ZPLD1: variants seen among roughly 807,000 people sequenced by gnomAD.
ZPLD1 encodes the protein zona pellucida like domain containing 1.
Under a neutral mutation model 47.2 loss-of-function variants are expected in ZPLD1, and 34 were observed. That is an observed-to-expected ratio of 0.72 (90% CI 0.55 to 0.96). The LOEUF is 0.96. ZPLD1 is among the 40% of genes least tolerant of loss of function. ZPLD1 has a pLI of 0.00. For missense variants in ZPLD1, 512 were observed against 505.8 expected (o/e 1.01, Z -0.12); for synonymous variants, 176 against 186.2 (o/e 0.95, Z 0.45).
At chr3:102,444,631 A>T (rs530258393) in intron 3 of ZPLD1, among the ~76,000 whole-genome samples, 1 of 152,214 alleles carries the variant, frequency 6.6e-6, no homozygotes, top group African/African-American at 2.4e-5. Context: ...GAACTGATAT[A>T]TAAATTATTA....
At chr3:102,425,110 A>G (rs1706927025) in intron 8 of ZPLD1, among the ~76,000 whole-genome samples, 1 of 152,132 alleles carries the variant, frequency 6.6e-6, no homozygotes, top group Non-Finnish European at 1.5e-5. Flanking sequence ...TATATTTTTC[A>G]AATACCTAAT....
At position 102,416,818 on chromosome 3, in the gene ZPLD1, T is replaced by C. The variant is rs554966114; in HGVS notation, c.-156-1242T>C. 2.0e-5 allele frequency among the ~76,000 whole-genome samples: 3 copies of C among 152,082 alleles called. No homozygotes were observed. In the South Asian group the frequency reaches 6.2e-4, roughly 32 times the overall value. On this transcript the variant is annotated intron_variant, in intron 7 of 17. Coordinates refer to the ZPLD1 transcript ENST00000491959. ...GGGTAGAATAGTATTATAAATATGC[T>C]TTTTCGTGAAGCTGACACTTCCCTG...
chr3:102,438,970 A>G (rs6784826), intron 3 of ZPLD1, among the ~76,000 whole-genome samples: 74,901 of 152,044 alleles, frequency 0.49, 21,450 homozygotes, highest in African/African-American at 0.79. Context: ...AAATGATTGT[A>G]AAATATTGTA....
Position 102,414,778 on chromosome 3 carries a change from AC to A in ZPLD1, c.-156-3281del, listed in dbSNP as rs201202631. 4.0e-3 allele frequency among the ~76,000 whole-genome samples: 606 copies of A among 151,978 alleles called. 4 individuals carry two copies. Among genetic ancestry groups the A allele is most frequent in the African/African-American group, 0.014 (577 of 41,512 alleles). ...AATTATTTGAAAATACCCAAAAAAAACAAACAGATGTTTAAGTATCATGCCA... is the reference window on the plus strand; with the variant it reads ...AATTATTTGAAAATACCCAAAAAAAAAAACAGATGTTTAAGTATCATGCCA... On this transcript the variant is annotated intron_variant, in intron 7 of 17. Transcript: ENST00000491959.
intron 7 of ZPLD1, among the ~76,000 whole-genome samples, chr3:102,400,491 G>A (rs1233493367): frequency 6.6e-6 from 1 of 151,950 alleles, no homozygotes; most frequent in African/African-American, 2.4e-5. Context: ...TAAGCCGGGG[G>A]TCCCTTTGCC....
At chr3:102,433,868 A>C (rs1430068375), upstream of ZPLD1, among the ~76,000 whole-genome samples, 1 of 152,180 alleles carries the variant, frequency 6.6e-6, no homozygotes, top group Non-Finnish European at 1.5e-5. Flanking sequence ...CTAATGAAAT[A>C]GAGTCATGAA....
intron 10 of ZPLD1, among the ~76,000 whole-genome samples, chr3:102,472,943 A>C (rs1317611129): frequency 6.6e-6 from 1 of 152,250 alleles, no homozygotes; most frequent in Non-Finnish European, 1.5e-5. Flanking sequence ...TAATGGACTC[A>C]CAGTTTCACA....
chr3:102,427,073 A>T (rs975326859), intron 8 of ZPLD1, among the ~76,000 whole-genome samples: 1 of 152,170 alleles, frequency 6.6e-6, no homozygotes, highest in Non-Finnish European at 1.5e-5. Flanking sequence ...AAATAATTTT[A>T]AAAAATCATG....
intron 8 of ZPLD1, among the ~76,000 whole-genome samples, chr3:102,464,545 G>A (rs541001787): frequency 3.3e-5 from 5 of 152,216 alleles, no homozygotes; most frequent in South Asian, 4.1e-4. Context: ...CTTAGGAAAC[G>A]CATAGTTAGG....
At chr3:102,393,637 G>A (rs1216244483) in intron 7 of ZPLD1, among the ~76,000 whole-genome samples, 2 of 147,648 alleles carry the variant, frequency 1.4e-5, no homozygotes, top group Middle Eastern at 3.5e-3. Flanking sequence ...CATTACATTT[G>A]CTTTGTAGAT....
chr3:102,434,909 C>G, upstream of ZPLD1: 1 of 540,984 alleles, frequency 1.8e-6, no homozygotes, highest in South Asian at 2.8e-5. Context: ...AGAAACTCCA[C>G]TAAACCTTTA....
In ZPLD1 at chr3:102,452,932, C is replaced by G; in HGVS notation, c.120C>G (p.Ile40Met). 2 of 1,613,838 alleles carry G rather than the reference C, an allele frequency of 1.2e-6. No homozygotes were observed. The highest frequency in any genetic ancestry group is 4.5e-5 in the East Asian group (2 of 44,878). Residue 40 changes from isoleucine to methionine, a missense_variant, in exon 4 of 12, where the codon ATC becomes ATG. Ile to Met is a conservative substitution (Grantham distance 10). Coordinates refer to ENST00000466937, the MANE Select transcript of ZPLD1 (RefSeq NM_001329788.2). ...TTTTTATTTCAGCTGAAAGAGACAT[C>G]AGTGTCTATTGTGGAGTGCAGGCTA... ...LHSRFPAERD[I>M]SVYCGVQAIT...
At chr3:102,431,631 G>A (rs1413651041), upstream of ZPLD1, among the ~76,000 whole-genome samples, 3 of 152,126 alleles carry the variant, frequency 2.0e-5, no homozygotes, top group Non-Finnish European at 4.4e-5. Context: ...ATTTAGGGCC[G>A]GGCATGATGG....
At position 102,449,025 on chromosome 3, in the gene ZPLD1, G is replaced by T. The variant is rs150413098; in HGVS notation, c.107-3894G>T. On this transcript the variant is annotated intron_variant, in intron 3 of 11. Transcript: ENST00000466937. ...TATCTTAGGCCATTTTATGTATAAAGGTTCCCTGCAATCTCACCTGTGCCT... is the reference window on the plus strand; with the variant it reads ...TATCTTAGGCCATTTTATGTATAAATGTTCCCTGCAATCTCACCTGTGCCT... Among the ~76,000 whole-genome samples the T allele has an allele frequency of 4.0e-3, 610 of 152,276 alleles. 2 individuals carry two copies. Among genetic ancestry groups the T allele is most frequent in the African/African-American group, 0.013 (534 of 41,556 alleles).
intron 7 of ZPLD1, among the ~76,000 whole-genome samples, chr3:102,407,982 A>G (rs890718076): frequency 1.3e-5 from 2 of 151,864 alleles, no homozygotes; most frequent in Non-Finnish European, 2.9e-5. Flanking sequence ...TGGGACTGGG[A>G]CACATAAAGG....
intron 8 of ZPLD1, among the ~76,000 whole-genome samples, chr3:102,424,165 C>T (rs1041372745): frequency 2.6e-5 from 4 of 152,132 alleles, no homozygotes; most frequent in Non-Finnish European, 4.4e-5. Context: ...GAATTAATTA[C>T]AACATTGCAT....
At chr3:102,440,689 A>G (rs1707162878) in intron 3 of ZPLD1, among the ~76,000 whole-genome samples, 1 of 151,564 alleles carries the variant, frequency 6.6e-6, no homozygotes. Flanking sequence ...GAAAATAAAA[A>G]GTATGAAAAT....
chr3:102,420,470 C>T (rs923271941), intron 8 of ZPLD1, among the ~76,000 whole-genome samples: 1 of 151,832 alleles, frequency 6.6e-6, no homozygotes, highest in African/African-American at 2.4e-5. Context: ...TACTAAAATA[C>T]GTCACTGTAT....
intron 9 of ZPLD1, 43 bp from the exon 10 acceptor site, chr3:102,470,351 C>A: frequency 6.6e-7 from 1 of 1,514,332 alleles, no homozygotes; most frequent in Non-Finnish European, 9.2e-7. Flanking sequence ...AGAAACAATT[C>A]TGCGCCGGTG....
Sources: gnomAD v4.1 joint callset for allele counts (sites outside exome capture counted in the v4.1 genomes callset) on GRCh38, gnomAD v4.1.1 for gene constraint, MANE v1.5 for transcripts, NCBI Gene and HGNC (gene_info 2026-07-23, HGNC 2026-07-21) for gene names.